The following HAUS6 variants were observed in gnomAD, a reference collection of about 807,000 sequenced individuals.
HAUS6 encodes the protein HAUS augmin-like complex subunit 6.
In HAUS6, 80 loss-of-function variants were observed where a neutral mutation model predicts 106.8. The ratio of observed to expected loss-of-function variants is 0.75; its 90% CI spans 0.63 to 0.90. The LOEUF (loss-of-function observed/expected upper bound fraction) is 0.90, where lower values mean the gene tolerates loss of function less well. HAUS6 is among the 40% of genes least tolerant of loss of function. The probability of loss-of-function intolerance (pLI) is 0.00; values close to 1 mark genes in which losing one functional copy is unlikely to be tolerated. For missense variants in HAUS6, 1,155 were observed against 1,118.1 expected (o/e 1.03, Z -0.47); for synonymous variants, 356 against 379.1 (o/e 0.94, Z 0.71).
chr9:19,061,216 A>T (rs1836610158), intron 14 of HAUS6, among the ~76,000 whole-genome samples: 1 of 152,092 alleles, frequency 6.6e-6, no homozygotes. Context: ...TGGCCCATGG[A>T]AAAAAAGGGC....
At chr9:19,062,074 T>C (rs192299587) in intron 14 of HAUS6, among the ~76,000 whole-genome samples, 1 of 152,334 alleles carries the variant, frequency 6.6e-6, no homozygotes, top group Non-Finnish European at 1.5e-5. Flanking sequence ...CATTAGCAAA[T>C]AACTTCAGAA....
rs1287914364 is a variant in HAUS6 at position 19,080,560 on chromosome 9, G to C, written c.983C>G (p.Ala328Gly). Reference sequence around the variant, plus strand: ...GTAGTGAAGGTCTACCGTCAATCTTGCTTGATCAGCCTGACAACGTTCATA... The same window carrying C: ...GTAGTGAAGGTCTACCGTCAATCTTCCTTGATCAGCCTGACAACGTTCATA... ...MKYERCQADQ[A>G]RLTVDLHYLE... The change falls in exon 9 of 17, where the codon GCA (alanine) becomes GGA (glycine). Residue 328 changes from alanine (A) to glycine (G), a missense_variant. Physicochemically the swap from Ala to Gly is moderately conservative, Grantham distance 60. Coordinates refer to ENST00000380502, the MANE Select transcript of HAUS6 (RefSeq NM_017645.5). 5.6e-6 allele frequency: 9 copies of C among 1,603,678 alleles called. No individual in the cohort carries two copies. The highest frequency in any genetic ancestry group is 5.5e-5 in the South Asian group (5 of 90,788).
intron 4 of HAUS6, among the ~76,000 whole-genome samples, chr9:19,090,102 G>C (rs1817712674): frequency 1.3e-5 from 2 of 152,068 alleles, no homozygotes; most frequent in Non-Finnish European, 2.9e-5. Flanking sequence ...GTCTCCCAGA[G>C]TGCTGGGATT....
intron 10 of HAUS6, 152 bp from the exon 11 acceptor site, chr9:19,076,856 T>A (rs1232584812): frequency 6.9e-6 from 4 of 579,412 alleles, no homozygotes; most frequent in Non-Finnish European, 1.2e-5. Flanking sequence ...TTATTTATTT[T>A]TCTTAAAGAC....
At chr9:19,093,148 A>C (rs201038152) in intron 4 of HAUS6, 23 bp downstream of exon 4, 87 of 1,436,652 alleles carry the variant, frequency 6.1e-5, no homozygotes, top group Non-Finnish European at 1.0e-5. Flanking sequence ...CAAAACAAAA[A>C]ATCTTTTATA....
In HAUS6 at chr9:19,054,367, A is replaced by G. The variant is rs1836425274; in HGVS notation, c.*1976T>C. On this transcript the variant is annotated 3_prime_UTR_variant, in exon 17 of 17. Coordinates refer to ENST00000380502, the MANE Select transcript of HAUS6 (RefSeq NM_017645.5). The stretch of plus-strand genomic sequence containing the variant: ...CAATCAAAACAGTTCCTTAAGATCA[A>G]AAGGTAACTATGTAGGAGATACTGG... 6.6e-6 allele frequency: 1 copy of G among 152,238 alleles called. No individual in the cohort carries two copies. The highest frequency in any genetic ancestry group is 2.1e-4 in the South Asian group (1 of 4,830). 9.4% of individuals were successfully genotyped at this position (152,238 alleles called of 1,614,324 possible).
At chr9:19,085,789 T>G (rs1412830217) in intron 7 of HAUS6, among the ~76,000 whole-genome samples, 1 of 152,108 alleles carries the variant, frequency 6.6e-6, no homozygotes, top group Non-Finnish European at 1.5e-5. Flanking sequence ...TCCATTTTAT[T>G]TAGATAAATT....
chr9:19,069,353 C>T (rs1836836513), intron 12 of HAUS6, among the ~76,000 whole-genome samples: 1 of 152,108 alleles, frequency 6.6e-6, no homozygotes, highest in African/African-American at 2.4e-5. Flanking sequence ...TGGATCTTTT[C>T]TGAAAATGTG....
intron 8 of HAUS6, among the ~76,000 whole-genome samples, chr9:19,082,339 T>A (rs967125024): frequency 6.6e-6 from 1 of 152,244 alleles, no homozygotes; most frequent in Non-Finnish European, 1.5e-5. Flanking sequence ...CTTCATACTG[T>A]CTGTACTATA....
chr9:19,097,508 A>G (rs1056815628), intron 1 of HAUS6, among the ~76,000 whole-genome samples: 3 of 152,132 alleles, frequency 2.0e-5, no homozygotes, highest in Non-Finnish European at 4.4e-5. Flanking sequence ...AATGCTCATC[A>G]TCACTGGCCA....
At chr9:19,076,106 T>C (rs907351994) in intron 11 of HAUS6, among the ~76,000 whole-genome samples, 3 of 151,500 alleles carry the variant, frequency 2.0e-5, no homozygotes, top group African/African-American at 7.3e-5. Context: ...ATGCCTGTAA[T>C]CCCAGCACTT....
At chr9:19,083,618 C>T (rs954756412) in intron 7 of HAUS6, among the ~76,000 whole-genome samples, 2 of 151,854 alleles carry the variant, frequency 1.3e-5, no homozygotes, top group South Asian at 2.1e-4. Context: ...CTGGCTAACA[C>T]GGTGAAACCC....
rs549378567 is a variant in HAUS6, at chr9:19,090,538, G to T, written c.437-979C>A. On this transcript the variant is annotated intron_variant, in intron 4 of 16. Transcript: ENST00000380502. The stretch of plus-strand genomic sequence containing the variant: ...CGCCACCACGCCCGGCTAATTTTTT[G>T]TAATTTTAGTAGAGACGGGTTTCAC... Among the ~76,000 whole-genome samples, 55 of 152,158 alleles carry T rather than the reference G, an allele frequency of 3.6e-4. No individual in the cohort carries two copies. The South Asian group carries it at 0.011, about 31-fold the overall frequency.
At chr9:19,090,353 C>T (rs1817717881) in intron 4 of HAUS6, among the ~76,000 whole-genome samples, 1 of 151,980 alleles carries the variant, frequency 6.6e-6, no homozygotes. Flanking sequence ...TACTTTGCTT[C>T]CAAACAGAAT....
chr9:19,056,906 C>G (rs1418588007), intron 16 of HAUS6: 1 of 154,098 alleles, frequency 6.5e-6, no homozygotes, highest in Non-Finnish European at 1.4e-5. Context: ...CAGCCAAATA[C>G]TTTTCAATAT....
chr9:19,062,355 A>G (rs7858899), intron 14 of HAUS6, among the ~76,000 whole-genome samples: 14,578 of 152,292 alleles, frequency 0.096, 1,241 homozygotes, highest in African/African-American at 0.23. Flanking sequence ...TGACAAAAGT[A>G]TTTTAATATA....
chr9:19,065,594 A>G (rs1402533968), intron 12 of HAUS6, among the ~76,000 whole-genome samples: 1 of 152,196 alleles, frequency 6.6e-6, no homozygotes, highest in East Asian at 1.9e-4. Context: ...TAATCCCACC[A>G]CTTTGGGAGG....
At chr9:19,060,319 G>A (rs1836579958) in intron 14 of HAUS6, 96 bp from the exon 15 acceptor site, 14 of 935,276 alleles carry the variant, frequency 1.5e-5, no homozygotes, top group Non-Finnish European at 1.7e-5. Flanking sequence ...TTCACAGTCA[G>A]CAGCCCCTCC....
intron 1 of HAUS6, among the ~76,000 whole-genome samples, chr9:19,098,964 G>A (rs891765157): frequency 2.3e-4 from 35 of 149,412 alleles, no homozygotes; most frequent in Non-Finnish European, 5.0e-4. Context: ...GGAGGTTGCG[G>A]TGAGGTCATG....
Sources: allele counts gnomAD v4.1 joint callset (sites outside exome capture counted in the v4.1 genomes callset), GRCh38; gene constraint gnomAD v4.1.1; transcripts MANE v1.5; gene names NCBI Gene and HGNC (gene_info 2026-07-23, HGNC 2026-07-21).